DIPK1A: variants seen among roughly 807,000 people sequenced by gnomAD.
The protein encoded by DIPK1A is family with sequence similarity 69 member A.
Under a neutral mutation model 40.8 loss-of-function variants are expected in DIPK1A, and 27 were observed. The ratio of observed to expected loss-of-function variants is 0.66; its 90% confidence interval spans 0.49 to 0.91. DIPK1A has a LOEUF of 0.91. Ranked by LOEUF, DIPK1A falls within the 40% of genes least tolerant of loss-of-function variation. The pLI is 0.00. For synonymous variants in DIPK1A, 166 were observed against 171.3 expected (o/e 0.97, Z 0.24); for missense variants, 412 against 505.7 (o/e 0.81, Z 1.78).
intron 1 of DIPK1A, among the ~76,000 whole-genome samples, chr1:92,881,314 G>C (rs1648364996): frequency 7.5e-6 from 1 of 132,880 alleles, no homozygotes; most frequent in South Asian, 2.6e-4. Context: ...TTTGAGAATG[G>C]GGACTCTGTC....
chr1:92,929,184 T>G (rs1650644720), intron 1 of DIPK1A, among the ~76,000 whole-genome samples: 1 of 152,214 alleles, frequency 6.6e-6, no homozygotes, highest in Non-Finnish European at 1.5e-5. Context: ...TCTTCACATG[T>G]GTAGTGATTT....
intron 2 of DIPK1A, among the ~76,000 whole-genome samples, chr1:92,867,500 T>TTTGTTG (rs530607989): frequency 8.0e-4 from 121 of 151,924 alleles, no homozygotes; most frequent in Middle Eastern, 6.8e-3. Flanking sequence ...AGATATAAAC[T>TTTGTTG]TTGTTGTTGT....
intron 1 of DIPK1A, among the ~76,000 whole-genome samples, chr1:92,937,555 G>A (rs1650991818): frequency 6.6e-6 from 1 of 152,098 alleles, no homozygotes; most frequent in South Asian, 2.1e-4. Context: ...TTTGGGCTAG[G>A]ATTGGAATTC....
intron 2 of DIPK1A, among the ~76,000 whole-genome samples, chr1:92,854,367 A>G (rs1294035823): frequency 1.3e-5 from 2 of 152,246 alleles, no homozygotes; most frequent in Non-Finnish European, 2.9e-5. Flanking sequence ...CTACAAAATA[A>G]TAAAGCCAGG....
At chr1:92,896,164 C>G (rs1258758290) in intron 1 of DIPK1A, among the ~76,000 whole-genome samples, 3 of 152,120 alleles carry the variant, frequency 2.0e-5, no homozygotes, top group Non-Finnish European at 4.4e-5. Context: ...CTTTAAAGTT[C>G]ATATGGAACC....
intron 1 of DIPK1A, among the ~76,000 whole-genome samples, chr1:92,925,523 T>A (rs538942378): frequency 9.2e-5 from 14 of 152,174 alleles, no homozygotes; most frequent in Non-Finnish European, 1.9e-4. Context: ...TGAGACAGTC[T>A]CGCGCTGCAA....
chr1:92,838,695 C>G (rs2100691399), downstream of DIPK1A, among the ~76,000 whole-genome samples: 1 of 152,330 alleles, frequency 6.6e-6, no homozygotes, highest in Non-Finnish European at 1.5e-5. Flanking sequence ...CAGGCATTAT[C>G]TACATGTCTG....
At chr1:92,925,545 G>A (rs967997307) in intron 1 of DIPK1A, among the ~76,000 whole-genome samples, 2 of 152,152 alleles carry the variant, frequency 1.3e-5, no homozygotes, top group African/African-American at 4.8e-5. Context: ...CCAGGATGGA[G>A]TGCAGGGGTA....
chr1:92,883,023 G>A (rs963598399), intron 1 of DIPK1A, among the ~76,000 whole-genome samples: 1 of 152,314 alleles, frequency 6.6e-6, no homozygotes, highest in South Asian at 2.1e-4. Flanking sequence ...GACATGCCCT[G>A]GGGTGGGTGC....
At chr1:92,909,411 G>A (rs1557480571) in intron 1 of DIPK1A, among the ~76,000 whole-genome samples, 1 of 152,174 alleles carries the variant, frequency 6.6e-6, no homozygotes. Context: ...AACGGGTCCA[G>A]GCTGGTTCTC....
intron 2 of DIPK1A, among the ~76,000 whole-genome samples, chr1:92,862,201 C>T (rs542193688): frequency 1.3e-5 from 2 of 152,262 alleles, no homozygotes; most frequent in Admixed American, 1.3e-4. Flanking sequence ...AGGCCTTTTT[C>T]GTGAATTAAA....
intron 2 of DIPK1A, among the ~76,000 whole-genome samples, chr1:92,852,760 G>C (rs1174998531): frequency 6.6e-6 from 1 of 152,122 alleles, no homozygotes; most frequent in Non-Finnish European, 1.5e-5. Context: ...GGAGGACTAG[G>C]CCAGGCGTGG....
intron 2 of DIPK1A, among the ~76,000 whole-genome samples, chr1:92,860,558 G>C (rs999599234): frequency 6.6e-6 from 1 of 151,154 alleles, no homozygotes; most frequent in African/African-American, 2.4e-5. Context: ...GGGAGGCCAA[G>C]GCAGGTGGAT....
intron 1 of DIPK1A, among the ~76,000 whole-genome samples, chr1:92,951,508 C>G (rs1385256952): frequency 6.6e-6 from 1 of 152,192 alleles, no homozygotes; most frequent in Non-Finnish European, 1.5e-5. Context: ...AGAGAAACAG[C>G]TGAGTCACAC....
intron 1 of DIPK1A, among the ~76,000 whole-genome samples, chr1:92,948,357 T>C (rs376767485): frequency 2.0e-5 from 3 of 152,240 alleles, no homozygotes; most frequent in African/African-American, 7.2e-5. Context: ...GAATGGAACA[T>C]GTATTGAAAT....
At chr1:92,851,342 G>A (rs772686018) in intron 2 of DIPK1A, among the ~76,000 whole-genome samples, 4 of 151,734 alleles carry the variant, frequency 2.6e-5, no homozygotes, top group East Asian at 1.9e-4. Flanking sequence ...TCAGGAGTTC[G>A]AGACCAGCCT....
chr1:92,834,785 T>A (rs1402637100), intron 4 of DIPK1A: 2 of 1,613,208 alleles, frequency 1.2e-6, no homozygotes, highest in South Asian at 2.2e-5. Flanking sequence ...ATAGATTGCT[T>A]ATGCCCGTAT....
downstream of DIPK1A, chr1:92,837,661 A>G (rs1006388613): frequency 3.8e-6 from 6 of 1,588,546 alleles, no homozygotes; most frequent in African/African-American, 1.3e-5. Context: ...AAATGCCTAT[A>G]TTGGTTAATT....
chr1:92,850,827 GT>G lies in DIPK1A; in HGVS notation c.297+20del. ...TTAGAGTACACTATAATTCTGGAATGTTTATTCATAATGGCCATACCTGATT... is the reference window on the plus strand; with the variant it reads ...TTAGAGTACACTATAATTCTGGAATGTTATTCATAATGGCCATACCTGATT... On this transcript the variant is annotated intron_variant, in intron 3 of 4. Coordinates refer to ENST00000370310, the MANE Select transcript of DIPK1A (RefSeq NM_001006605.5). The G allele has an allele frequency of 7.1e-7, 1 of 1,405,658 alleles. No homozygotes were observed. Among genetic ancestry groups the G allele is most frequent in the South Asian group, 1.3e-5 (1 of 77,492 alleles). 87.1% of individuals were successfully genotyped at this position (1,405,658 alleles called of 1,614,324 possible).
Sources: allele counts gnomAD v4.1 joint callset (sites outside exome capture counted in the v4.1 genomes callset), GRCh38; gene constraint gnomAD v4.1.1; transcripts MANE v1.5; gene names NCBI Gene and HGNC (gene_info 2026-07-23, HGNC 2026-07-21).